SV2C: variants seen among roughly 807,000 people sequenced by gnomAD.
SV2C encodes synaptic vesicle glycoprotein 2C.
A neutral mutation model predicts 79.7 loss-of-function variants in SV2C; 49 were observed. That is an observed-to-expected ratio of 0.61 (90% CI 0.49 to 0.78). The LOEUF (loss-of-function observed/expected upper bound fraction) is 0.78. SV2C is among the 30% of genes least tolerant of loss of function. The pLI, the probability that SV2C is intolerant of heterozygous loss-of-function variation, is 0.00. For synonymous variants in SV2C, 334 were observed against 333.2 expected, an observed-to-expected ratio of 1.00 and a Z score of -0.03; for missense variants, 833 against 912.9, an observed-to-expected ratio of 0.91 and a Z score of 1.13.
chr5:75,984,567 A>ATCTATCTATCTATATCTATC, the SV2C span, among the ~76,000 whole-genome samples: 319 of 102,860 alleles, frequency 3.1e-3, 2 homozygotes, highest in African/African-American at 7.0e-3. Flanking sequence ...CTATCTATCT[A>ATCTATCTATCTATATCTATC]TATCTATCTA....
At chr5:76,082,257 C>G (rs1476345173), upstream of SV2C, 1 of 152,242 alleles carries the variant, frequency 6.6e-6, no homozygotes, top group Non-Finnish European at 1.5e-5. Context: ...GGGTCTGCGT[C>G]GGAAGGCCCG....
At chr5:76,174,665 T>C (rs914291272) in intron 2 of SV2C, among the ~76,000 whole-genome samples, 1 of 152,230 alleles carries the variant, frequency 6.6e-6, no homozygotes, top group African/African-American at 2.4e-5. Flanking sequence ...TTCTTTACTG[T>C]AGCCATTTTA....
rs1468570086 is a variant in SV2C, at chr5:76,131,875, C to A, written c.125C>A (p.Thr42Asn). The A allele has an allele frequency of 6.2e-7, 1 of 1,613,920 alleles. No individual in the cohort carries two copies. Among genetic ancestry groups the A allele is most frequent in the Non-Finnish European group, 8.5e-7 (1 of 1,180,010 alleles). The stretch of plus-strand genomic sequence containing the variant: ...GTGGACCGAGCCCAGGATGAATACA[C>A]CCAGAGGTCCTACAGTCGGTTCCAA... ...QAVDRAQDEY[T>N]QRSYSRFQDE... Residue 42 changes from threonine (T) to asparagine (N), a missense_variant, in exon 2 of 13, where the codon ACC becomes AAC. Coordinates refer to ENST00000502798, the MANE Select transcript of SV2C (RefSeq NM_014979.4).
the SV2C span, among the ~76,000 whole-genome samples, chr5:75,974,090 CTAT>C: frequency 6.6e-6 from 1 of 151,860 alleles, no homozygotes; most frequent in East Asian, 1.9e-4. Flanking sequence ...TTTATCATTA[CTAT>C]TATTATTATT....
chr5:76,335,346 C>G (rs1749292020), downstream of SV2C, among the ~76,000 whole-genome samples: 1 of 151,586 alleles, frequency 6.6e-6, no homozygotes. Flanking sequence ...AACCCTTTGT[C>G]CAGCTTTCCA....
chr5:75,944,546 A>C, the SV2C span, among the ~76,000 whole-genome samples: 1 of 152,176 alleles, frequency 6.6e-6, no homozygotes, highest in Admixed American at 6.6e-5. Flanking sequence ...GACTGTGACA[A>C]GCAAACAATA....
chr5:76,205,766 CA>C (rs11312726), intron 3 of SV2C, among the ~76,000 whole-genome samples: 7,550 of 152,210 alleles, frequency 0.05, 642 homozygotes, highest in African/African-American at 0.17. Context: ...CCCCCCACTG[CA>C]AAACTTTCCC....
chr5:76,187,549 C>T (rs1024234338), intron 2 of SV2C, among the ~76,000 whole-genome samples: 1 of 152,090 alleles, frequency 6.6e-6, no homozygotes, highest in Non-Finnish European at 1.5e-5. Flanking sequence ...TTCTCTCATG[C>T]AAATTAGAAA....
At chr5:75,873,134 T>C in the SV2C span, among the ~76,000 whole-genome samples, 1 of 152,014 alleles carries the variant, frequency 6.6e-6, no homozygotes, top group Non-Finnish European at 1.5e-5. Context: ...AAGAGATACG[T>C]TGGTAATCTA....
the SV2C span, among the ~76,000 whole-genome samples, chr5:76,042,125 G>A: frequency 6.6e-6 from 1 of 152,198 alleles, no homozygotes; most frequent in Non-Finnish European, 1.5e-5. Flanking sequence ...TGTTGTAGCA[G>A]TCTTCACTAC....
At chr5:76,242,075 A>C (rs1745802661) in intron 4 of SV2C, 2 of 1,442,898 alleles carry the variant, frequency 1.4e-6, no homozygotes, top group Non-Finnish European at 1.9e-6. Context: ...CTGTTTTGGC[A>C]TCTCCATTTC....
chr5:75,960,724 A>C, the SV2C span, among the ~76,000 whole-genome samples: 1 of 152,000 alleles, frequency 6.6e-6, no homozygotes, highest in African/African-American at 2.4e-5. Context: ...ATGTCTCAGA[A>C]AGTGTCCCTG....
chr5:76,273,407 C>G (rs917143168), intron 4 of SV2C, among the ~76,000 whole-genome samples: 1 of 151,906 alleles, frequency 6.6e-6, no homozygotes, highest in Non-Finnish European at 1.5e-5. Flanking sequence ...ATGTTGGCCC[C>G]AGGAACCCTT....
the SV2C span, among the ~76,000 whole-genome samples, chr5:76,060,319 C>G: frequency 1.3e-4 from 20 of 152,236 alleles, no homozygotes; most frequent in African/African-American, 4.6e-4. Flanking sequence ...CAAGAGAAGG[C>G]TGTTTTCGTC....
chr5:76,217,605 A>G (rs1463733814), intron 4 of SV2C, among the ~76,000 whole-genome samples: 1 of 152,228 alleles, frequency 6.6e-6, no homozygotes, highest in Non-Finnish European at 1.5e-5. Context: ...ATGCTCAAAA[A>G]TGGTAGCTCT....
the SV2C span, among the ~76,000 whole-genome samples, chr5:75,983,531 A>G: frequency 6.6e-6 from 1 of 151,828 alleles, no homozygotes; most frequent in African/African-American, 2.4e-5. Flanking sequence ...CTTGTCATTC[A>G]CAGGTCTCCT....
the SV2C span, among the ~76,000 whole-genome samples, chr5:76,048,434 T>C: frequency 6.6e-6 from 1 of 152,208 alleles, no homozygotes; most frequent in Admixed American, 6.5e-5. Flanking sequence ...TGATATTCCC[T>C]ACTCAGTCTA....
chr5:76,179,083 T>A (rs1291007331), intron 2 of SV2C, among the ~76,000 whole-genome samples: 2 of 152,186 alleles, frequency 1.3e-5, no homozygotes, highest in Non-Finnish European at 2.9e-5. Context: ...GCTTATGAAA[T>A]GCTGATAAAT....
At chr5:75,920,474 A>G in the SV2C span, among the ~76,000 whole-genome samples, 1 of 152,238 alleles carries the variant, frequency 6.6e-6, no homozygotes, top group African/African-American at 2.4e-5. Context: ...CTATTTTAAG[A>G]AACCCCCCCA....
Sources: gnomAD v4.1 joint callset for allele counts (sites outside exome capture counted in the v4.1 genomes callset) on GRCh38, gnomAD v4.1.1 for gene constraint, MANE v1.5 for transcripts, NCBI Gene and HGNC (gene_info 2026-07-23, HGNC 2026-07-21) for gene names.